TNR: variants seen among roughly 807,000 people sequenced by gnomAD.
The protein encoded by TNR is tenascin-R.
TNR carries 45 observed loss-of-function variants against 150.4 expected under a neutral mutation model. That is an observed-to-expected ratio of 0.30 (90% CI 0.24 to 0.38). TNR has a LOEUF of 0.38. TNR is among the 10% of genes least tolerant of loss of function. TNR has a pLI of 1.00. For synonymous variants in TNR, 687 were observed against 678.4 expected, an observed-to-expected ratio of 1.01 and a Z score of -0.20; for missense variants, 1,544 against 1,759.1, an observed-to-expected ratio of 0.88 and a Z score of 2.19.
intron 7 of TNR, among the ~76,000 whole-genome samples, chr1:175,387,400 C>T (rs566342421): frequency 3.3e-5 from 5 of 152,222 alleles, no homozygotes; most frequent in East Asian, 1.9e-4. Flanking sequence ...TGTGTTGGAC[C>T]GTGCAGAGCC....
At chr1:175,714,854 G>A (rs1039508645) in intron 1 of TNR, among the ~76,000 whole-genome samples, 6 of 152,226 alleles carry the variant, frequency 3.9e-5, no homozygotes, top group Non-Finnish European at 8.8e-5. Context: ...TTGTGAGGCT[G>A]CCTGCTCACC....
intron 2 of TNR, among the ~76,000 whole-genome samples, chr1:175,458,207 T>C (rs2102101514): frequency 6.6e-6 from 1 of 152,344 alleles, no homozygotes; most frequent in South Asian, 2.1e-4. Context: ...ATTCCCTCTT[T>C]CTTGCAAGTC....
chr1:175,403,834 A>C (rs1653832327), intron 3 of TNR, among the ~76,000 whole-genome samples: 1 of 152,218 alleles, frequency 6.6e-6, no homozygotes, highest in African/African-American at 2.4e-5. Context: ...AAGATGAATG[A>C]GATCTGGGCC....
chr1:175,458,877 C>T (rs975241186), intron 2 of TNR, among the ~76,000 whole-genome samples: 5 of 152,234 alleles, frequency 3.3e-5, no homozygotes, highest in Non-Finnish European at 7.4e-5. Flanking sequence ...ATGATCATCA[C>T]CATGTCCACT....
chr1:175,451,216 TAA>T (rs68039262), intron 2 of TNR, among the ~76,000 whole-genome samples: 24,717 of 140,270 alleles, frequency 0.18, 2,547 homozygotes, highest in East Asian at 0.42. Context: ...TTTTTTTTTT[TAA>T]TGTTTTTATT....
At chr1:175,512,646 G>A (rs1013688207) in intron 2 of TNR, among the ~76,000 whole-genome samples, 1 of 152,186 alleles carries the variant, frequency 6.6e-6, no homozygotes, top group Non-Finnish European at 1.5e-5. Context: ...TGTCTTCAGT[G>A]TCCAGAGGAA....
At chr1:175,736,104 C>T (rs1472796808) in intron 1 of TNR, among the ~76,000 whole-genome samples, 1 of 152,234 alleles carries the variant, frequency 6.6e-6, no homozygotes, top group Non-Finnish European at 1.5e-5. Flanking sequence ...AAGCTGCACC[C>T]AGTCCCCAGG....
chr1:175,331,124 T>TTCTTTCTCTCTC (rs1649862251), intron 20 of TNR, among the ~76,000 whole-genome samples: 4 of 140,468 alleles, frequency 2.8e-5, no homozygotes, highest in African/African-American at 8.3e-5. Context: ...TTTTCTTTCT[T>TTCTTTCTCTCTC]TCTTTCTTTT....
chr1:175,449,013 T>A (rs1269410370), intron 2 of TNR, among the ~76,000 whole-genome samples: 1 of 152,228 alleles, frequency 6.6e-6, no homozygotes, highest in Non-Finnish European at 1.5e-5. Flanking sequence ...GGTCCTGGCA[T>A]CTGACCCAAG....
chr1:175,429,485 A>G (rs950510767), intron 2 of TNR, among the ~76,000 whole-genome samples: 1 of 152,200 alleles, frequency 6.6e-6, no homozygotes, highest in African/African-American at 2.4e-5. Context: ...TGTGATGATT[A>G]ATTTAACTAA....
At chr1:175,467,178 C>T (rs751967068) in intron 2 of TNR, among the ~76,000 whole-genome samples, 3 of 152,132 alleles carry the variant, frequency 2.0e-5, no homozygotes, top group Non-Finnish European at 2.9e-5. Flanking sequence ...GCCCTAGAGT[C>T]CTGCACTCAG....
In TNR at chr1:175,378,005, G is replaced by C. The variant is rs572751154; in HGVS notation, c.1963+1547C>G. ...TTGCCTGGGTCTCACATTCCCAGGG[G>C]ACAGGGAACACTTCCCAGCCAGGTA... On this transcript the variant is annotated intron_variant, in intron 9 of 22. Transcript: ENST00000367674. Among the ~76,000 whole-genome samples the C allele has an allele frequency of 1.2e-3, 189 of 152,230 alleles. 1 individual carries two copies. Among genetic ancestry groups the C allele is most frequent in the Non-Finnish European group, 1.4e-3 (96 of 68,008 alleles).
intron 21 of TNR, among the ~76,000 whole-genome samples, chr1:175,328,104 T>TCTCAAAAA (rs1341757757): frequency 6.6e-6 from 1 of 152,188 alleles, no homozygotes; most frequent in African/African-American, 2.4e-5. Context: ...TGAGACTCTA[T>TCTCAAAAA]CTCAAAAACA....
chr1:175,654,719 C>CTTTTT (rs36087120), intron 1 of TNR, among the ~76,000 whole-genome samples: 17 of 74,728 alleles, frequency 2.3e-4, no homozygotes, highest in African/African-American at 5.9e-4. Flanking sequence ...AAGTTCCCTT[C>CTTTTT]TTTTTTTTTT....
intron 2 of TNR, among the ~76,000 whole-genome samples, chr1:175,438,247 C>A (rs1308124667): frequency 6.6e-6 from 1 of 152,230 alleles, no homozygotes; most frequent in East Asian, 1.9e-4. Flanking sequence ...TAAACATAAT[C>A]CAGCATATAA....
intron 2 of TNR, among the ~76,000 whole-genome samples, chr1:175,456,997 T>C (rs1656599395): frequency 6.6e-6 from 1 of 152,224 alleles, no homozygotes; most frequent in African/African-American, 2.4e-5. Flanking sequence ...GCTGGAATAA[T>C]ACTTCTTCCA....
At chr1:175,354,800 T>G (rs1032201181) in intron 17 of TNR, among the ~76,000 whole-genome samples, 3 of 152,206 alleles carry the variant, frequency 2.0e-5, no homozygotes. Context: ...GCACTGTACT[T>G]GCTTGAGAGC....
intron 1 of TNR, among the ~76,000 whole-genome samples, chr1:175,704,773 A>G (rs563386651): frequency 6.6e-6 from 1 of 152,364 alleles, no homozygotes; most frequent in South Asian, 2.1e-4. Context: ...ATGCCTTTCA[A>G]GTAGATTAAA....
chr1:175,696,607 G>C (rs560357380), intron 1 of TNR, among the ~76,000 whole-genome samples: 2 of 152,114 alleles, frequency 1.3e-5, no homozygotes, highest in East Asian at 3.8e-4. Context: ...GGCCCCAACC[G>C]ATTTTAAAAA....
Sources: gnomAD v4.1 joint callset for allele counts (sites outside exome capture counted in the v4.1 genomes callset) on GRCh38, gnomAD v4.1.1 for gene constraint, MANE v1.5 for transcripts, NCBI Gene and HGNC (gene_info 2026-07-23, HGNC 2026-07-21) for gene names.